ADAMTS6: variants seen among roughly 807,000 people sequenced by gnomAD.
ADAMTS6 encodes the protein A disintegrin and metalloproteinase with thrombospondin motifs 6.
ADAMTS6 carries 23 observed loss-of-function variants against 144.3 expected under a neutral mutation model. That is an observed-to-expected ratio of 0.16 (90% CI 0.11 to 0.23). The LOEUF (loss-of-function observed/expected upper bound fraction) is 0.23. Among genes scored for constraint, ADAMTS6 ranks in the 10% least tolerant of loss-of-function variants. The probability of loss-of-function intolerance (pLI) is 1.00; values close to 1 mark genes in which losing one functional copy is unlikely to be tolerated. For synonymous variants in ADAMTS6, 444 were observed against 457.5 expected, an observed-to-expected ratio of 0.97 and a Z score of 0.38; for missense variants, 999 against 1,379.6, an observed-to-expected ratio of 0.72 and a Z score of 4.37.
chr5:65,380,355 C>T (rs62370674), intron 7 of ADAMTS6, among the ~76,000 whole-genome samples: 15,342 of 151,776 alleles, frequency 0.1, 855 homozygotes, highest in African/African-American at 0.12. Context: ...GCAGATCACT[C>T]GAGGTCAGTA....
chr5:65,241,227 C>CTTTTT (rs58991614), intron 15 of ADAMTS6, among the ~76,000 whole-genome samples: 10 of 116,298 alleles, frequency 8.6e-5, no homozygotes, highest in African/African-American at 2.2e-4. Flanking sequence ...AGTATATTTC[C>CTTTTT]TTTTTTTTTT....
In ADAMTS6 at chr5:65,170,681, A is replaced by G. The variant is rs1753562215; in HGVS notation, c.3180T>C (p.Val1060=). ...GQASSDCLET[V]RPPSMQQCES... Reference sequence around the variant, plus strand: ...CACACTGCTGCATTGATGGAGGCCGAACAGTTTCTAGACAGTCACTAGATG... The same window carrying G: ...CACACTGCTGCATTGATGGAGGCCGGACAGTTTCTAGACAGTCACTAGATG... The change falls in exon 24 of 25, where the codon GTT becomes GTC. Residue 1060 remains valine (V), a synonymous_variant. Transcript: ENST00000381055. The G allele has an allele frequency of 3.1e-6, 5 of 1,614,024 alleles. No homozygotes were observed. The highest frequency in any genetic ancestry group is 4.2e-6 in the Non-Finnish European group (5 of 1,180,034).
chr5:65,209,482 C>A (rs2023238913), intron 20 of ADAMTS6, among the ~76,000 whole-genome samples: 1 of 152,114 alleles, frequency 6.6e-6, no homozygotes, highest in Non-Finnish European at 1.5e-5. Flanking sequence ...CCTTATGAGG[C>A]AAAGGAAGTG....
intron 7 of ADAMTS6, among the ~76,000 whole-genome samples, chr5:65,403,801 T>C (rs1202815404): frequency 6.6e-6 from 1 of 152,138 alleles, no homozygotes; most frequent in East Asian, 1.9e-4. Flanking sequence ...ATTATCTTCA[T>C]GGATTTATCA....
Position 65,452,931 on chromosome 5 carries a change from C to T in ADAMTS6, c.632-13G>A. On this transcript the variant is annotated splice_polypyrimidine_tract_variant and intron_variant, in intron 4 of 24. Transcript: ENST00000381055. ...CTTCTTGTGAAATCTACAATAAAAG[C>T]AGCCAATTCAGATAGGTTCACTAAT... 6.2e-7 allele frequency: 1 copy of T among 1,603,470 alleles called. No homozygotes were observed. The highest frequency in any genetic ancestry group is 8.5e-7 in the Non-Finnish European group (1 of 1,171,056).
At chr5:65,407,636 G>A (rs1476721305) in intron 7 of ADAMTS6, among the ~76,000 whole-genome samples, 2 of 151,712 alleles carry the variant, frequency 1.3e-5, no homozygotes, top group African/African-American at 4.8e-5. Flanking sequence ...ATGGTTTCCA[G>A]CTTCATCCAT....
intron 7 of ADAMTS6, among the ~76,000 whole-genome samples, chr5:65,421,956 T>C (rs1174325828): frequency 6.6e-6 from 1 of 151,980 alleles, no homozygotes; most frequent in South Asian, 2.1e-4. Context: ...CAAAAATAAA[T>C]AAATGGGACC....
At chr5:65,263,575 C>T (rs941058630) in intron 12 of ADAMTS6, among the ~76,000 whole-genome samples, 1 of 152,054 alleles carries the variant, frequency 6.6e-6, no homozygotes, top group African/African-American at 2.4e-5. Context: ...ATGTGTATGG[C>T]CCCCACATGA....
At position 65,451,633 on chromosome 5, in the gene ADAMTS6, A is replaced by G; in HGVS notation, c.928-13T>C. 2 of 1,611,760 alleles carry G rather than the reference A, an allele frequency of 1.2e-6. No individual in the cohort carries two copies. Among genetic ancestry groups the G allele is most frequent in the South Asian group, 1.1e-5 (1 of 90,668 alleles). Reference sequence around the variant, plus strand: ...TCTCCAAGTTTGGCTGCAATACAACATGCATACCAGAAATGTTCCAAACAA... The same window carrying G: ...TCTCCAAGTTTGGCTGCAATACAACGTGCATACCAGAAATGTTCCAAACAA... On this transcript the variant is annotated splice_polypyrimidine_tract_variant and intron_variant, in intron 6 of 24. Transcript: ENST00000381055.
At chr5:65,427,077 T>C (rs1262408505) in intron 7 of ADAMTS6, among the ~76,000 whole-genome samples, 2 of 151,938 alleles carry the variant, frequency 1.3e-5, no homozygotes, top group Non-Finnish European at 1.5e-5. Context: ...TGATAAATAA[T>C]AGAAAAGGGT....
intron 9 of ADAMTS6, among the ~76,000 whole-genome samples, chr5:65,318,776 A>C (rs910951829): frequency 8.5e-5 from 13 of 152,178 alleles, no homozygotes; most frequent in African/African-American, 3.1e-4. Flanking sequence ...GCTGGTTAAT[A>C]GGTACCAAAA....
At chr5:65,348,948 T>C (rs1748600259) in intron 7 of ADAMTS6, among the ~76,000 whole-genome samples, 1 of 151,206 alleles carries the variant, frequency 6.6e-6, no homozygotes, top group Admixed American at 6.6e-5. Flanking sequence ...TTACTTGTAA[T>C]ATGAAGACGG....
intron 1 of ADAMTS6, among the ~76,000 whole-genome samples, chr5:65,477,978 T>G (rs1472692323): frequency 2.0e-5 from 3 of 151,676 alleles, no homozygotes; most frequent in African/African-American, 4.8e-5. Context: ...AAATACAAAA[T>G]TAGCCAGGCG....
chr5:65,183,307 C>T (rs1472666615), intron 22 of ADAMTS6, among the ~76,000 whole-genome samples: 1 of 152,110 alleles, frequency 6.6e-6, no homozygotes, highest in Non-Finnish European at 1.5e-5. Flanking sequence ...CAGTTGCCAA[C>T]AATCAACTGA....
At chr5:65,169,892 G>C (rs1171042656) in intron 24 of ADAMTS6, among the ~76,000 whole-genome samples, 35 of 114,060 alleles carry the variant, frequency 3.1e-4, no homozygotes, top group Non-Finnish European at 4.2e-4. Flanking sequence ...GTGGTGGGGA[G>C]GGGGGAGGGG....
intron 7 of ADAMTS6, among the ~76,000 whole-genome samples, chr5:65,435,921 C>T (rs1242364194): frequency 6.6e-6 from 1 of 151,750 alleles, no homozygotes; most frequent in Non-Finnish European, 1.5e-5. Flanking sequence ...CCACTGCACC[C>T]GGCCTTAAAA....
intron 14 of ADAMTS6, among the ~76,000 whole-genome samples, chr5:65,243,708 T>C (rs998198361): frequency 6.6e-6 from 1 of 152,142 alleles, no homozygotes; most frequent in African/African-American, 2.4e-5. Flanking sequence ...GTTAAAGGAA[T>C]CCTTGACTTT....
intron 7 of ADAMTS6, among the ~76,000 whole-genome samples, chr5:65,398,832 GA>G: frequency 7.0e-6 from 1 of 142,986 alleles, no homozygotes; most frequent in East Asian, 2.0e-4. Flanking sequence ...AAGAAAGAAA[GA>G]AAGAAAGAAA....
chr5:65,384,609 A>G (rs1561487478), intron 7 of ADAMTS6, among the ~76,000 whole-genome samples: 1 of 152,150 alleles, frequency 6.6e-6, no homozygotes, highest in African/African-American at 2.4e-5. Flanking sequence ...ATAACCACTT[A>G]AGTAATCTCT....
Sources: gnomAD v4.1 joint callset for allele counts (sites outside exome capture counted in the v4.1 genomes callset) on GRCh38, gnomAD v4.1.1 for gene constraint, MANE v1.5 for transcripts, NCBI Gene and HGNC (gene_info 2026-07-23, HGNC 2026-07-21) for gene names.